Variants in ZC3H11A observed in about 807,000 individuals in gnomAD.
ZC3H11A encodes the protein zinc finger CCCH domain-containing protein 11A.
Under a neutral mutation model 90.8 loss-of-function variants are expected in ZC3H11A, and 22 were observed. The observed-to-expected ratio is 0.24, with a 90% confidence interval of 0.17 to 0.35. The LOEUF (loss-of-function observed/expected upper bound fraction) is 0.35. ZC3H11A is among the 10% of genes least tolerant of loss of function. The pLI, the probability that ZC3H11A is intolerant of heterozygous loss-of-function variation, is 1.00. For synonymous variants in ZC3H11A, 294 were observed against 339.8 expected, an observed-to-expected ratio of 0.87 and a Z score of 1.48; for missense variants, 701 against 964.9, an observed-to-expected ratio of 0.73 and a Z score of 3.62.
chr1:203,796,590 A>T (rs977760709), intron 1 of ZC3H11A: 45 of 397,354 alleles, frequency 1.1e-4, no homozygotes, highest in Middle Eastern at 1.3e-3. Context: ...AGAGATAGCG[A>T]TGCTTTTTAG....
intron 4 of ZC3H11A, among the ~76,000 whole-genome samples, chr1:203,825,459 G>A (rs1680216049): frequency 7.3e-6 from 1 of 136,264 alleles, no homozygotes; most frequent in Non-Finnish European, 1.5e-5. Context: ...TTTTGAGGTG[G>A]AGTCTCACTC....
At chr1:203,821,055 A>G (rs1678494589) in intron 4 of ZC3H11A, among the ~76,000 whole-genome samples, 1 of 152,096 alleles carries the variant, frequency 6.6e-6, no homozygotes, top group African/African-American at 2.4e-5. Context: ...TCTCACCTCT[A>G]TCGTAATCCC....
chr1:203,833,797 A>C lies in ZC3H11A; in HGVS notation c.818A>C (p.Glu273Ala), dbSNP rs1396093534. Residue 273 changes from glutamate (E) to alanine (A), a missense_variant, in exon 10 of 18, where the codon GAA becomes GCA. Coordinates refer to ENST00000367210, the MANE Select transcript of ZC3H11A (RefSeq NM_001376342.1). ...TVTLSTKQGE[E>A]PLVRLSLTER... ...TCTGCTTTTGCCATTTCAGGAGAAG[A>C]ACCCTTGGTTAGATTGAGTCTTACT... 5 of 1,606,500 alleles carry C rather than the reference A, an allele frequency of 3.1e-6. No individual in the cohort carries two copies. The highest frequency in any genetic ancestry group is 4.5e-5 in the East Asian group (2 of 44,600).
chr1:203,829,576 GA>G lies in ZC3H11A; in HGVS notation c.427del (p.Ser143ValfsTer14), dbSNP rs1681601406. 1 of 1,614,034 alleles carries G rather than the reference GA, an allele frequency of 6.2e-7. No homozygotes were observed. Among genetic ancestry groups the G allele is most frequent in the Non-Finnish European group, 8.5e-7 (1 of 1,180,030 alleles). ...SPQLRSVMKV[E>X]SSENVPSPTH... ...TCAGCTGCGGAGCGTTATGAAAGTA[GA>G]AAGTTCCGAAAATGTTCCTAGCCCC... is the stretch of plus-strand genomic sequence containing the variant. On this transcript the variant is annotated frameshift_variant, in exon 6 of 18. Coordinates refer to ENST00000367210, the MANE Select transcript of ZC3H11A (RefSeq NM_001376342.1). LOFTEE classifies it high-confidence loss of function.
rs1475499642 is a variant in ZC3H11A, at chr1:203,851,250, G to C, written c.2174+126G>C. On this transcript the variant is annotated intron_variant, in intron 17 of 17. Coordinates refer to ENST00000367210, the MANE Select transcript of ZC3H11A (RefSeq NM_001376342.1). ...AAATCTGTTGCACTTCAAATTAATT[G>C]CAAGAAAGTATGAAAATCTAGGGTT... is the stretch of plus-strand genomic sequence containing the variant. The C allele has an allele frequency of 6.0e-6, 5 of 839,070 alleles. No individual in the cohort carries two copies. In the Admixed American group the frequency reaches 1.4e-4, roughly 24 times the overall value. 52.0% of individuals were successfully genotyped at this position (839,070 alleles called of 1,614,324 possible).
In ZC3H11A at chr1:203,812,823, C is replaced by G. The variant is rs549889022; in HGVS notation, c.-145-4103C>G. ...TCTTGAACTCCTGACCTCAGATGAC[C>G]CACCTGCCTCGGCCTCCCAAAGTGC... is the stretch of plus-strand genomic sequence containing the variant. On this transcript the variant is annotated intron_variant, in intron 2 of 17. Coordinates refer to ENST00000367210, the MANE Select transcript of ZC3H11A (RefSeq NM_001376342.1). Among the ~76,000 whole-genome samples the G allele has an allele frequency of 9.9e-5, 15 of 152,196 alleles. No homozygotes were observed. In the South Asian group the frequency reaches 2.9e-3, roughly 29 times the overall value.
intron 17 of ZC3H11A, among the ~76,000 whole-genome samples, chr1:203,851,787 G>A (rs1189307150): frequency 6.6e-6 from 1 of 151,238 alleles, no homozygotes; most frequent in East Asian, 2.0e-4. Flanking sequence ...ACATAGTGAG[G>A]TCTTGTCTCT....
chr1:203,837,849 G>A (rs1684864467), intron 10 of ZC3H11A, 117 bp from the exon 11 acceptor site: 8 of 909,362 alleles, frequency 8.8e-6, no homozygotes, highest in East Asian at 2.5e-5. Context: ...GAACAAACAC[G>A]CCATATGTAT....
At chr1:203,807,333 T>C (rs547329757) in intron 2 of ZC3H11A, among the ~76,000 whole-genome samples, 1 of 152,332 alleles carries the variant, frequency 6.6e-6, no homozygotes, top group East Asian at 1.9e-4. Flanking sequence ...TTGCCCAGGT[T>C]GGAATACAGT....
chr1:203,830,008 C>T (rs918039293), intron 7 of ZC3H11A, 112 bp downstream of exon 7: 1 of 1,296,950 alleles, frequency 7.7e-7, no homozygotes, highest in Non-Finnish European at 1.1e-6. Flanking sequence ...CGCATACTTA[C>T]CTATACTTAG....
At chr1:203,841,967 G>A (rs1358317744) in intron 12 of ZC3H11A, among the ~76,000 whole-genome samples, 3 of 149,654 alleles carry the variant, frequency 2.0e-5, no homozygotes, top group Non-Finnish European at 4.4e-5. Context: ...AGACGGGGCC[G>A]CGGCTGGGCA....
intron 4 of ZC3H11A, among the ~76,000 whole-genome samples, chr1:203,819,529 A>ATTTTTTTTTTTTTTTTTTTTT (rs755259647): frequency 1.4e-5 from 1 of 72,890 alleles, no homozygotes; most frequent in East Asian, 3.6e-4. Flanking sequence ...GCTGACTCCA[A>ATTTTTTTTTTTTTTTTTTTTT]TTTTTTTTTT....
intron 5 of ZC3H11A, 43 bp downstream of exon 5, chr1:203,828,465 C>T (rs777715401): frequency 9.0e-6 from 14 of 1,562,432 alleles, no homozygotes; most frequent in Non-Finnish European, 1.1e-5. Flanking sequence ...AAATGAACAC[C>T]TATTATGCAC....
chr1:203,820,949 AC>A (rs1678439786), intron 4 of ZC3H11A, among the ~76,000 whole-genome samples: 1 of 151,956 alleles, frequency 6.6e-6, no homozygotes, highest in Admixed American at 6.6e-5. Flanking sequence ...TAGACCCTTT[AC>A]CCCGTTTCTC....
At chr1:203,822,218 T>C (rs764910015) in intron 4 of ZC3H11A, among the ~76,000 whole-genome samples, 2 of 152,188 alleles carry the variant, frequency 1.3e-5, no homozygotes, top group Non-Finnish European at 2.9e-5. Flanking sequence ...ATAATACTTT[T>C]ATTTATTTGA....
At chr1:203,805,629 G>GT (rs1672064754) in intron 2 of ZC3H11A, 3 of 688,484 alleles carry the variant, frequency 4.4e-6, no homozygotes, top group Middle Eastern at 4.6e-4. Context: ...TATGAAGCAG[G>GT]GATCTGTGGC....
rs768702348 is a variant in ZC3H11A, at chr1:203,824,040, G to A, written c.175-4259G>A. On this transcript the variant is annotated intron_variant, in intron 4 of 17. Transcript: ENST00000367210. The stretch of plus-strand genomic sequence containing the variant: ...TCTCAGCACTTTGGGAGGCTGAGGC[G>A]GCTGGATCACCTGAGGTCAGGAGTT... 4.6e-5 allele frequency among the ~76,000 whole-genome samples: 7 copies of A among 152,100 alleles called. No homozygotes were observed. The South Asian group carries it at 6.2e-4, about 14-fold the overall frequency.
At chr1:203,837,448 GTCTC>G (rs1330575339) in intron 10 of ZC3H11A, among the ~76,000 whole-genome samples, 42 of 149,164 alleles carry the variant, frequency 2.8e-4, no homozygotes, top group Middle Eastern at 3.5e-3. Flanking sequence ...TCTTTCCCTT[GTCTC>G]TCTTTTTTTT....
intron 12 of ZC3H11A, among the ~76,000 whole-genome samples, chr1:203,842,520 G>A (rs1686711174): frequency 6.6e-6 from 1 of 151,844 alleles, no homozygotes; most frequent in South Asian, 2.1e-4. Context: ...ATCAGGCAGG[G>A]AGGTTGCAGT....
Sources: allele counts gnomAD v4.1 joint callset (sites outside exome capture counted in the v4.1 genomes callset), GRCh38; gene constraint gnomAD v4.1.1; transcripts MANE v1.5; gene names NCBI Gene and HGNC (gene_info 2026-07-23, HGNC 2026-07-21).